CDH12: variants seen among roughly 807,000 people sequenced by gnomAD.
CDH12 encodes the protein cadherin-12.
Under a neutral mutation model 74.1 loss-of-function variants are expected in CDH12, and 41 were observed. The ratio of observed to expected loss-of-function variants is 0.55; its 90% CI spans 0.43 to 0.72. The LOEUF (loss-of-function observed/expected upper bound fraction) is 0.72. CDH12 is among the 30% of genes least tolerant of loss of function. The pLI, the probability that CDH12 is intolerant of heterozygous loss-of-function variation, is 0.00. For synonymous variants in CDH12, 399 were observed against 355.0 expected (o/e 1.12, Z -1.39); for missense variants, 945 against 977.2 (o/e 0.97, Z 0.44).
intron 1 of CDH12, among the ~76,000 whole-genome samples, chr5:22,542,607 C>T (rs762517107): frequency 6.6e-6 from 1 of 152,092 alleles, no homozygotes; most frequent in Non-Finnish European, 1.5e-5. Flanking sequence ...ACTGACAGTT[C>T]GTGTTTATCA....
At chr5:22,673,046 T>C (rs1207552778) in intron 1 of CDH12, among the ~76,000 whole-genome samples, 1 of 152,116 alleles carries the variant, frequency 6.6e-6, no homozygotes, top group African/African-American at 2.4e-5. Context: ...TTTGGATCTT[T>C]CATATTTAAT....
rs199555910 is a variant in CDH12, at chr5:22,278,548, CT to C, written c.-332-65906del. On this transcript the variant is annotated intron_variant, in intron 3 of 14. Coordinates refer to ENST00000382254, the MANE Select transcript of CDH12 (RefSeq NM_004061.5). ...CATTTTAGAATTTTCCCAGCCCTCC[CT>C]TTTTTTTTTAACTCAGATTTTGACA... Among the ~76,000 whole-genome samples the C allele has an allele frequency of 4.8e-3, 714 of 147,826 alleles. 7 individuals are homozygous for C. The highest frequency in any genetic ancestry group is 0.016 in the African/African-American group (643 of 40,482).
intron 3 of CDH12, among the ~76,000 whole-genome samples, chr5:22,233,901 T>A (rs1752474619): frequency 6.6e-6 from 1 of 152,192 alleles, no homozygotes; most frequent in South Asian, 2.1e-4. Context: ...AGGATTCCAC[T>A]AATAGAAATA....
At position 22,796,377 on chromosome 5, in the gene CDH12, C is replaced by T. The variant is rs1358131361; in HGVS notation, c.-523+56681G>A. On this transcript the variant is annotated intron_variant, in intron 1 of 14. Coordinates refer to ENST00000382254, the MANE Select transcript of CDH12 (RefSeq NM_004061.5). ...TCTTGTCTTTTTCATAATATCCATTCTAATTGGAGTAAGGTGGTATTTTAT... is the reference window on the plus strand; with the variant it reads ...TCTTGTCTTTTTCATAATATCCATTTTAATTGGAGTAAGGTGGTATTTTAT... Among the ~76,000 whole-genome samples, 4 of 152,010 alleles carry T rather than the reference C, an allele frequency of 2.6e-5. No individual in the cohort carries two copies. The East Asian group carries it at 7.7e-4, about 29-fold the overall frequency.
At chr5:21,920,725 T>C (rs935092245) in intron 6 of CDH12, among the ~76,000 whole-genome samples, 2 of 144,258 alleles carry the variant, frequency 1.4e-5, no homozygotes, top group Non-Finnish European at 3.1e-5. Context: ...GTGACTTGGC[T>C]TAAGAAACTA....
chr5:22,094,030 C>T (rs964724076), intron 4 of CDH12, among the ~76,000 whole-genome samples: 1 of 152,140 alleles, frequency 6.6e-6, no homozygotes, highest in African/African-American at 2.4e-5. Context: ...ACCATGACCA[C>T]CTGGGCAGCA....
chr5:22,000,996 A>T lies in CDH12; in HGVS notation c.232-25611T>A, dbSNP rs568452758. On this transcript the variant is annotated intron_variant, in intron 5 of 14. Coordinates refer to ENST00000382254, the MANE Select transcript of CDH12 (RefSeq NM_004061.5). ...CCTTTTCCTGAATATTTTATAAATTAGAAAATAAAGGCCAAGACATATTAA... is the reference window on the plus strand; with the variant it reads ...CCTTTTCCTGAATATTTTATAAATTTGAAAATAAAGGCCAAGACATATTAA... Among the ~76,000 whole-genome samples the T allele has an allele frequency of 1.2e-4, 18 of 152,274 alleles. No individual in the cohort carries two copies. The South Asian group carries it at 3.5e-3, about 30-fold the overall frequency.
intron 6 of CDH12, among the ~76,000 whole-genome samples, chr5:21,877,109 A>C (rs899980356): frequency 1.3e-5 from 2 of 152,146 alleles, no homozygotes; most frequent in African/African-American, 4.8e-5. Flanking sequence ...AGACTGAGGG[A>C]CGAGAATTGC....
At chr5:22,817,994 G>A (rs966402856) in intron 1 of CDH12, among the ~76,000 whole-genome samples, 2 of 152,112 alleles carry the variant, frequency 1.3e-5, no homozygotes, top group African/African-American at 4.8e-5. Context: ...AATAAAAAGT[G>A]GAAGGGTTGT....
At chr5:22,184,227 A>C (rs1412857241) in intron 4 of CDH12, among the ~76,000 whole-genome samples, 2 of 152,214 alleles carry the variant, frequency 1.3e-5, no homozygotes, top group East Asian at 1.9e-4. Context: ...CATGTAACAC[A>C]TGCCTAAGAG....
chr5:22,809,905 T>C (rs1448567397), intron 1 of CDH12, among the ~76,000 whole-genome samples: 1 of 152,226 alleles, frequency 6.6e-6, no homozygotes, highest in South Asian at 2.1e-4. Context: ...CCAATAAATA[T>C]ACTAATTCAA....
intron 8 of CDH12, among the ~76,000 whole-genome samples, chr5:21,828,145 T>C (rs1381677558): frequency 4.6e-5 from 7 of 151,340 alleles, no homozygotes; most frequent in Admixed American, 1.3e-4. Flanking sequence ...TTTTTTGAGA[T>C]GGAGTCTCAC....
chr5:22,376,399 G>A (rs996707995), intron 3 of CDH12, among the ~76,000 whole-genome samples: 4 of 152,142 alleles, frequency 2.6e-5, no homozygotes, highest in Non-Finnish European at 5.9e-5. Flanking sequence ...AGAGTAGAGT[G>A]ACTGTATTTT....
intron 2 of CDH12, among the ~76,000 whole-genome samples, chr5:22,468,512 A>G (rs544295359): frequency 6.6e-6 from 1 of 152,302 alleles, no homozygotes; most frequent in South Asian, 2.1e-4. Flanking sequence ...AATTCTCAAT[A>G]GTTACAACTA....
Position 22,321,545 on chromosome 5 carries a change from G to A in CDH12, c.-333+83712C>T, listed in dbSNP as rs1284630289. Among the ~76,000 whole-genome samples, 3 of 145,504 alleles carry A rather than the reference G, an allele frequency of 2.1e-5. No individual in the cohort carries two copies. The East Asian group carries it at 6.1e-4, about 29-fold the overall frequency. On this transcript the variant is annotated intron_variant, in intron 3 of 14. Transcript: ENST00000382254. Reference sequence around the variant, plus strand: ...GCATTGGGAGATATACCTAATGCTAGATGACGAGTTAGTGGGTGCAGCGCA... The same window carrying A: ...GCATTGGGAGATATACCTAATGCTAAATGACGAGTTAGTGGGTGCAGCGCA...
intron 3 of CDH12, among the ~76,000 whole-genome samples, chr5:22,272,049 T>G (rs1246678662): frequency 6.6e-6 from 1 of 152,174 alleles, no homozygotes; most frequent in Non-Finnish European, 1.5e-5. Context: ...GACTTCTATG[T>G]AGTTAAAAAA....
intron 6 of CDH12, among the ~76,000 whole-genome samples, chr5:21,965,936 C>T (rs1009425433): frequency 6.6e-5 from 10 of 151,898 alleles, no homozygotes; most frequent in African/African-American, 2.2e-4. Flanking sequence ...ATAATTTTTG[C>T]AGAGAAATTT....
chr5:22,200,297 CA>C (rs886386751), intron 4 of CDH12, among the ~76,000 whole-genome samples: 2 of 152,060 alleles, frequency 1.3e-5, no homozygotes, highest in African/African-American at 2.4e-5. Context: ...CTCTGAAGAT[CA>C]AAAAGCCGGA....
intron 2 of CDH12, among the ~76,000 whole-genome samples, chr5:22,467,842 T>C (rs1308861919): frequency 1.3e-5 from 2 of 152,246 alleles, no homozygotes; most frequent in Non-Finnish European, 2.9e-5. Flanking sequence ...ATCATGACTC[T>C]TTTTCCTCTG....
Sources: allele counts gnomAD v4.1 joint callset (sites outside exome capture counted in the v4.1 genomes callset), GRCh38; gene constraint gnomAD v4.1.1; transcripts MANE v1.5; gene names NCBI Gene and HGNC (gene_info 2026-07-23, HGNC 2026-07-21).